The following ZFAND3 variants were observed in gnomAD, a reference collection of about 807,000 sequenced individuals.
ZFAND3 encodes the protein zinc finger AN1-type containing 3, also known as AN1-type zinc finger protein 3.
Under a neutral mutation model 29.6 loss-of-function variants are expected in ZFAND3, and 10 were observed. The ratio of observed to expected loss-of-function variants is 0.34; its 90% confidence interval spans 0.21 to 0.57. The LOEUF is 0.57. Among genes scored for constraint, ZFAND3 ranks in the 20% least tolerant of loss-of-function variants. The pLI is 0.86. For missense variants in ZFAND3, 230 were observed against 304.5 expected (o/e 0.76, Z 1.82); for synonymous variants, 128 against 112.6 (o/e 1.14, Z -0.87).
At chr6:37,822,595 A>C (rs1172332061) in intron 1 of ZFAND3, among the ~76,000 whole-genome samples, 1 of 152,180 alleles carries the variant, frequency 6.6e-6, no homozygotes, top group African/African-American at 2.4e-5. Flanking sequence ...ACTCTGGGGC[A>C]GGGGGCACAG....
chr6:37,954,277 C>T (rs1323274209), intron 2 of ZFAND3, among the ~76,000 whole-genome samples: 1 of 151,910 alleles, frequency 6.6e-6, no homozygotes, highest in Non-Finnish European at 1.5e-5. Context: ...AATAGAAAAC[C>T]TTTTTTCTAT....
chr6:38,012,159 C>T (rs758855858), intron 2 of ZFAND3, among the ~76,000 whole-genome samples: 48 of 152,152 alleles, frequency 3.2e-4, no homozygotes, highest in Non-Finnish European at 5.9e-4. Flanking sequence ...TAAGCATCTC[C>T]GTTCCTAGTG....
intron 2 of ZFAND3, among the ~76,000 whole-genome samples, chr6:38,025,544 T>G (rs907846972): frequency 6.6e-6 from 1 of 152,208 alleles, no homozygotes; most frequent in African/African-American, 2.4e-5. Flanking sequence ...TGTTTTGTTC[T>G]TAGTGAAATA....
intron 1 of ZFAND3, among the ~76,000 whole-genome samples, chr6:37,849,142 A>T (rs1043271862): frequency 1.1e-4 from 16 of 152,202 alleles, no homozygotes; most frequent in African/African-American, 3.9e-4. Context: ...CCTGCTGCTC[A>T]TCAACGGGGG....
At chr6:37,828,733 C>G (rs1233453611) in intron 1 of ZFAND3, among the ~76,000 whole-genome samples, 1 of 152,034 alleles carries the variant, frequency 6.6e-6, no homozygotes, top group Non-Finnish European at 1.5e-5. Flanking sequence ...ACTGCAACCT[C>G]TGCCTCCCGG....
intron 2 of ZFAND3, among the ~76,000 whole-genome samples, chr6:38,038,589 A>G (rs958125219): frequency 2.6e-5 from 4 of 152,150 alleles, no homozygotes; most frequent in Non-Finnish European, 5.9e-5. Context: ...CTCTAAAGAC[A>G]TTCATATAGG....
At chr6:38,056,119 A>G (rs1486371791) in intron 2 of ZFAND3, among the ~76,000 whole-genome samples, 1 of 152,240 alleles carries the variant, frequency 6.6e-6, no homozygotes, top group Admixed American at 6.5e-5. Flanking sequence ...TACTTCTATG[A>G]TATAACTTAA....
chr6:37,960,117 T>C (rs1303152959), intron 2 of ZFAND3, among the ~76,000 whole-genome samples: 1 of 152,208 alleles, frequency 6.6e-6, no homozygotes, highest in African/African-American at 2.4e-5. Flanking sequence ...GTAGCATCTA[T>C]CTGTCTTAGC....
chr6:37,833,663 A>G (rs1010268862), intron 1 of ZFAND3, among the ~76,000 whole-genome samples: 1 of 151,680 alleles, frequency 6.6e-6, no homozygotes, highest in Non-Finnish European at 1.5e-5. Context: ...CGTCTCTACT[A>G]AAAAATACAA....
At chr6:37,844,616 C>G (rs1764143958) in intron 1 of ZFAND3, among the ~76,000 whole-genome samples, 1 of 151,962 alleles carries the variant, frequency 6.6e-6, no homozygotes, top group Non-Finnish European at 1.5e-5. Context: ...AGTGTTTAGG[C>G]TATTGGTGTG....
chr6:38,088,056 T>C (rs1022982944), intron 4 of ZFAND3, among the ~76,000 whole-genome samples: 23 of 152,238 alleles, frequency 1.5e-4, no homozygotes, highest in African/African-American at 4.3e-4. Flanking sequence ...CCTACACTTA[T>C]GTGTTTTATC....
chr6:38,000,472 A>G lies in ZFAND3; in HGVS notation c.113-61121A>G, dbSNP rs1581827666. 3.3e-5 allele frequency among the ~76,000 whole-genome samples: 5 copies of G among 152,316 alleles called. No individual in the cohort carries two copies. The South Asian group carries it at 6.2e-4, about 19-fold the overall frequency. On this transcript the variant is annotated intron_variant, in intron 2 of 5. Transcript: ENST00000287218. ...TTGGCATGGCTGGGGAGGCCTCACAATCATGGCAGAAGACAAAGGAGAAGC... is the reference window on the plus strand; with the variant it reads ...TTGGCATGGCTGGGGAGGCCTCACAGTCATGGCAGAAGACAAAGGAGAAGC...
chr6:37,862,558 C>A (rs1764511957), intron 1 of ZFAND3, among the ~76,000 whole-genome samples: 1 of 151,362 alleles, frequency 6.6e-6, no homozygotes. Flanking sequence ...GTGGTGCTTG[C>A]CTATAGGCTC....
chr6:38,149,410 CAAAAAAA>C (rs35426126), intron 5 of ZFAND3, among the ~76,000 whole-genome samples: 1 of 88,342 alleles, frequency 1.1e-5, no homozygotes, highest in Admixed American at 1.3e-4. Context: ...GACCCTGTCT[CAAAAAAA>C]AAAAAAAAAA....
intron 5 of ZFAND3, among the ~76,000 whole-genome samples, chr6:38,147,480 A>T (rs569121538): frequency 1.2e-4 from 19 of 152,196 alleles, no homozygotes; most frequent in Non-Finnish European, 2.4e-4. Flanking sequence ...TGATATATTG[A>T]CTTTTTTTCC....
intron 2 of ZFAND3, among the ~76,000 whole-genome samples, chr6:37,971,962 A>G (rs1762395717): frequency 6.6e-6 from 1 of 152,010 alleles, no homozygotes; most frequent in Non-Finnish European, 1.5e-5. Flanking sequence ...GCGATAGAAC[A>G]AGGCCCTGTC....
chr6:37,875,708 G>C (rs1581726886), intron 1 of ZFAND3, among the ~76,000 whole-genome samples: 1 of 151,760 alleles, frequency 6.6e-6, no homozygotes, highest in Non-Finnish European at 1.5e-5. Flanking sequence ...GCCCAGGCTG[G>C]AGTGCAGTGG....
chr6:38,002,906 T>C (rs1294072020), intron 2 of ZFAND3: 3 of 152,220 alleles, frequency 2.0e-5, no homozygotes, highest in Non-Finnish European at 4.4e-5. Context: ...ATTGATATTT[T>C]CTTTTTAAAA....
chr6:37,898,625 C>T lies in ZFAND3; in HGVS notation c.72-31334C>T, dbSNP rs114089125. The stretch of plus-strand genomic sequence containing the variant: ...ATTTATGTAAGTCTTTAATTTCCCT[C>T]AGAAGTGTTTTATAATTTTCAGTGT... On this transcript the variant is annotated intron_variant, in intron 1 of 5. Coordinates refer to ENST00000287218, the MANE Select transcript of ZFAND3 (RefSeq NM_021943.3). Among the ~76,000 whole-genome samples, 470 of 152,232 alleles carry T rather than the reference C, an allele frequency of 3.1e-3. 4 individuals are homozygous for T. Among genetic ancestry groups the T allele is most frequent in the African/African-American group, 0.011 (450 of 41,554 alleles).
Sources: gnomAD v4.1 joint callset for allele counts (sites outside exome capture counted in the v4.1 genomes callset) on GRCh38, gnomAD v4.1.1 for gene constraint, MANE v1.5 for transcripts, NCBI Gene and HGNC (gene_info 2026-07-23, HGNC 2026-07-21) for gene names.